Variants in DUOXA1 observed in about 807,000 individuals in gnomAD.
DUOXA1 encodes the protein dual oxidase maturation factor 1.
In DUOXA1, 19 loss-of-function variants were observed where a neutral mutation model predicts 26.6. That is an observed-to-expected ratio of 0.71 (90% CI 0.50 to 1.05). The LOEUF (loss-of-function observed/expected upper bound fraction) is 1.05. DUOXA1 is among the 50% of genes least tolerant of loss of function. DUOXA1 has a pLI of 0.00. For missense variants in DUOXA1, 403 were observed against 427.5 expected, an observed-to-expected ratio of 0.94 and a Z score of 0.51; for synonymous variants, 166 against 177.0, an observed-to-expected ratio of 0.94 and a Z score of 0.49.
At chr15:45,127,006 G>A (rs563993028) in intron 3 of DUOXA1, among the ~76,000 whole-genome samples, 17 of 152,286 alleles carry the variant, frequency 1.1e-4, no homozygotes, top group African/African-American at 3.9e-4. Flanking sequence ...CTAAGAATTC[G>A]TGTATTAAAT....
intron 3 of DUOXA1, among the ~76,000 whole-genome samples, chr15:45,124,357 G>T (rs1484179352): frequency 6.6e-6 from 1 of 150,754 alleles, no homozygotes; most frequent in Non-Finnish European, 1.5e-5. Flanking sequence ...AAAGTGCTGA[G>T]AATAGTACTG....
chr15:45,117,801 C>G lies in DUOXA1; in HGVS notation c.*1305G>C. 1.2e-6 allele frequency: 2 copies of G among 1,613,974 alleles called. No homozygotes were observed. The highest frequency in any genetic ancestry group is 1.7e-6 in the Non-Finnish European group (2 of 1,180,052). ...CTCTTCGCACCCTTCTGGACCAAAG[C>G]GCCAAGGACTGCAGCCAGGAGAGAG... On this transcript the variant is annotated 3_prime_UTR_variant, in exon 9 of 9. Coordinates refer to ENST00000560572, the MANE Select transcript of DUOXA1 (RefSeq NM_001276266.2).
rs1465675115 is a variant in DUOXA1 at position 45,117,792 on chromosome 15, G to A, written c.*1314C>T. ...GGCCCAGCGCTCTTCGCACCCTTCT[G>A]GACCAAAGCGCCAAGGACTGCAGCC... On this transcript the variant is annotated 3_prime_UTR_variant, in exon 9 of 9. Coordinates refer to ENST00000560572, the MANE Select transcript of DUOXA1 (RefSeq NM_001276266.2). The A allele has an allele frequency of 1.9e-6, 3 of 1,613,978 alleles. No homozygotes were observed. Among genetic ancestry groups the A allele is most frequent in the South Asian group, 1.1e-5 (1 of 91,082 alleles).
chr15:45,119,415 C>A, intron 8 of DUOXA1, 50 bp from the exon 9 acceptor site: 1 of 1,537,880 alleles, frequency 6.5e-7, no homozygotes, highest in Non-Finnish European at 8.8e-7. Context: ...TAACACCTGC[C>A]GAGGATATCT....
chr15:45,124,204 A>C (rs747999952), intron 3 of DUOXA1, among the ~76,000 whole-genome samples: 1 of 152,242 alleles, frequency 6.6e-6, no homozygotes, highest in Non-Finnish European at 1.5e-5. Flanking sequence ...CTTGGGAGTC[A>C]AGTAGCCCCA....
chr15:45,122,117 G>T, intron 5 of DUOXA1, 68 bp downstream of exon 5: 1 of 1,516,722 alleles, frequency 6.6e-7, no homozygotes, highest in Non-Finnish European at 9.0e-7. Context: ...AAGGAGAGGA[G>T]ATGCAGGCTG....
At chr15:45,125,234 T>C (rs181502804) in intron 3 of DUOXA1, among the ~76,000 whole-genome samples, 1 of 152,336 alleles carries the variant, frequency 6.6e-6, no homozygotes, top group East Asian at 1.9e-4. Flanking sequence ...TTCTCTCCTA[T>C]TCTGCGAATC....
Position 45,123,044 on chromosome 15 carries a change from C to T in DUOXA1, c.-29-1G>A. On this transcript the variant is annotated splice_acceptor_variant, in intron 3 of 8. Coordinates refer to ENST00000560572, the MANE Select transcript of DUOXA1 (RefSeq NM_001276266.2). LOFTEE classifies it low-confidence loss of function (5UTR_SPLICE). ...GTGAGGTGGTGCAGGGGGGGCAATGCTGTACAACAACAATAGACATTTATT... is the reference window on the plus strand; with the variant it reads ...GTGAGGTGGTGCAGGGGGGGCAATGTTGTACAACAACAATAGACATTTATT... 6.3e-7 allele frequency: 1 copy of T among 1,588,820 alleles called. No homozygotes were observed. The highest frequency in any genetic ancestry group is 8.6e-7 in the Non-Finnish European group (1 of 1,166,960).
At chr15:45,123,303 A>G (rs1018735877) in intron 3 of DUOXA1, among the ~76,000 whole-genome samples, 3 of 152,046 alleles carry the variant, frequency 2.0e-5, no homozygotes, top group African/African-American at 7.3e-5. Flanking sequence ...CAGGTTCCAT[A>G]AGTCAGTGCT....
At chr15:45,128,908 G>T (rs955163269) in intron 3 of DUOXA1, 110 bp downstream of exon 3, 5 of 152,170 alleles carry the variant, frequency 3.3e-5, no homozygotes, top group African/African-American at 1.2e-4. Flanking sequence ...TGCAGCCCTA[G>T]GTGCCAGGGC....
rs763583525 is a variant in DUOXA1, at chr15:45,120,686, C to T, written c.460G>A (p.Val154Met). The change falls in exon 7 of 9, where the codon GTG becomes ATG. Residue 154 changes from valine (V) to methionine (M), a missense_variant. Physicochemically the swap from Val to Met is conservative, Grantham distance 21. Transcript: ENST00000560572. Reference sequence around the variant, plus strand: ...GTGAACTTCTCAGCTAGGTACAACACAGGGTCTGGCAGCCCCTTCTCCAGA... The same window carrying T: ...GTGAACTTCTCAGCTAGGTACAACATAGGGTCTGGCAGCCCCTTCTCCAGA... ...KALEKGLPDP[V>M]LYLAEKFTPR... 62 of 1,614,158 alleles carry T rather than the reference C, an allele frequency of 3.8e-5. 1 individual carries two copies. In the South Asian group the frequency reaches 3.8e-4, roughly 10 times the overall value.
Position 45,119,318 on chromosome 15 carries a change from T to G in DUOXA1, c.820A>C (p.Met274Leu), listed in dbSNP as rs1566988394. 1.2e-6 allele frequency: 2 copies of G among 1,613,746 alleles called. No homozygotes were observed. Among genetic ancestry groups the G allele is most frequent in the Middle Eastern group, 1.7e-4 (1 of 6,058 alleles). Residue 274 changes from methionine to leucine, a missense_variant, in exon 9 of 9, where the codon ATG (methionine) becomes CTG (leucine). Met to Leu is a conservative substitution (Grantham distance 15). Transcript: ENST00000560572. ...AAAGCCTTCAGCCTGTGAGGCTGCA[T>G]CCTGTGGGCCACCGCCATAGCCAGG... is the stretch of plus-strand genomic sequence containing the variant. The part of the protein sequence containing the change: ...LGLAMAVAHR[M>L]QPHRLKAFFN...
rs1233648188 is a variant in DUOXA1 at position 45,118,157 on chromosome 15, C to T, written c.*949G>A. On this transcript the variant is annotated 3_prime_UTR_variant, in exon 9 of 9. Coordinates refer to ENST00000560572, the MANE Select transcript of DUOXA1 (RefSeq NM_001276266.2). ...CTTCTCCGCGCCGGGGTCGCACGTCCTCATGAGCTTCGCTGGGCTGGAGAC... is the reference window on the plus strand; with the variant it reads ...CTTCTCCGCGCCGGGGTCGCACGTCTTCATGAGCTTCGCTGGGCTGGAGAC... 6.3e-6 allele frequency: 9 copies of T among 1,437,918 alleles called. No individual in the cohort carries two copies. Among genetic ancestry groups the T allele is most frequent in the Non-Finnish European group, 8.2e-6 (9 of 1,101,356 alleles). 89.1% of individuals were successfully genotyped at this position (1,437,918 alleles called of 1,614,324 possible).
rs1894856904 is a variant in DUOXA1 at position 45,118,758 on chromosome 15, C to A, written c.*348G>T. On this transcript the variant is annotated 3_prime_UTR_variant, in exon 9 of 9. Transcript: ENST00000560572. ...ATAGGAGAATCATATGTAACCCCCA[C>A]CCTGCTGGTGTTATGGGGGTGAAGT... is the stretch of plus-strand genomic sequence containing the variant. 2 of 1,029,348 alleles carry A rather than the reference C, an allele frequency of 1.9e-6. No homozygotes were observed. The highest frequency in any genetic ancestry group is 1.7e-5 in the African/African-American group (1 of 58,874). The allele number at this position is 1,029,348 out of a possible 1,614,324, so 63.8% of individuals were successfully genotyped here.
At chr15:45,126,271 C>G (rs1220142164) in intron 3 of DUOXA1, among the ~76,000 whole-genome samples, 1 of 152,328 alleles carries the variant, frequency 6.6e-6, no homozygotes, top group South Asian at 2.1e-4. Context: ...TGCTTTATAA[C>G]CCGGTTCCAC....
Position 45,122,905 on chromosome 15 carries a change from G to A in DUOXA1, c.110C>T (p.Thr37Met), listed in dbSNP as rs374411208. Reference protein sequence around the residue: ...IIMIFLTALATFIVILPGIRG... With the variant: ...IIMIFLTALAMFIVILPGIRG... ...AATGCCAGGCAGGATGACGATGAAC[G>A]TGGCCAGTGCAGTCAGAAAGATCAT... Residue 37 changes from threonine (T) to methionine (M), a missense_variant, in exon 4 of 9, where the codon ACG becomes ATG. By Grantham distance (81) the Thr-to-Met change is moderately conservative (BLOSUM62 -1). Transcript: ENST00000560572. 2.1e-5 allele frequency: 34 copies of A among 1,612,320 alleles called. No individual in the cohort carries two copies. The highest frequency in any genetic ancestry group is 3.6e-4 in the Middle Eastern group (2 of 5,624).
chr15:45,123,067 A>G (rs1299410179), intron 3 of DUOXA1, 24 bp from the exon 4 acceptor site: 4 of 1,544,814 alleles, frequency 2.6e-6, no homozygotes, highest in Non-Finnish European at 2.6e-6. Context: ...ATAGACATTT[A>G]TTGCATGCCC....
chr15:45,118,057 C>T lies in DUOXA1; in HGVS notation c.*1049G>A. On this transcript the variant is annotated 3_prime_UTR_variant, in exon 9 of 9. Transcript: ENST00000560572. ...GACATCCGCAGGCACCAGGGAAAGTCTCCTGGGGCGATCTGTAAATAAACC... is the reference window on the plus strand; with the variant it reads ...GACATCCGCAGGCACCAGGGAAAGTTTCCTGGGGCGATCTGTAAATAAACC... 1 of 1,559,584 alleles carries T rather than the reference C, an allele frequency of 6.4e-7. No homozygotes were observed. Among genetic ancestry groups the T allele is most frequent in the Non-Finnish European group, 8.7e-7 (1 of 1,154,210 alleles).
In DUOXA1 at chr15:45,119,210, T is replaced by TTG; in HGVS notation, c.927_928insCA (p.Met310GlnfsTer87). 1 of 1,614,110 alleles carries TTG rather than the reference T, an allele frequency of 6.2e-7. No homozygotes were observed. The highest frequency in any genetic ancestry group is 8.5e-7 in the Non-Finnish European group (1 of 1,179,970). On this transcript the variant is annotated frameshift_variant, in exon 9 of 9. Transcript: ENST00000560572. LOFTEE classifies it low-confidence loss of function (END_TRUNC). ...TCCTGGGACTTGGGACTGTCAGCCA[T>TTG]GGACCGGTAGCGGGGGCTCAGGAGT...
Sources: gnomAD v4.1 joint callset for allele counts (sites outside exome capture counted in the v4.1 genomes callset) on GRCh38, gnomAD v4.1.1 for gene constraint, MANE v1.5 for transcripts, NCBI Gene and HGNC (gene_info 2026-07-23, HGNC 2026-07-21) for gene names.